Variants in SLC38A10 observed in about 807,000 individuals in gnomAD.
SLC38A10 encodes the protein solute carrier family 38 member 10, also known as Sodium-coupled neutral amino acid transporter 10.
A neutral mutation model predicts 81.0 loss-of-function variants in SLC38A10; 53 were observed. The observed-to-expected ratio is 0.65, with a 90% CI of 0.53 to 0.82. SLC38A10 has a LOEUF of 0.82. Ranked by LOEUF, SLC38A10 falls within the 40% of genes least tolerant of loss-of-function variation. SLC38A10 has a pLI of 0.00. For synonymous variants in SLC38A10, 665 were observed against 655.3 expected (o/e 1.01, Z -0.23); for missense variants, 1,471 against 1,545.0 (o/e 0.95, Z 0.80).
At chr17:81,285,614 G>C (rs569348502) in intron 2 of SLC38A10, 1 of 152,050 alleles carries the variant, frequency 6.6e-6, no homozygotes, top group Non-Finnish European at 1.5e-5. Context: ...CCCAGGCCCC[G>C]AGCGGTCATC....
At position 81,253,098 on chromosome 17, in the gene SLC38A10, C is replaced by G. The variant is rs1033634456; in HGVS notation, c.1431G>C (p.Glu477Asp). Reference protein sequence around the residue: ...GREDGKEAPEEAQLDRPGQGI... With the variant: ...GREDGKEAPEDAQLDRPGQGI... ...CTTGCCCAGGGCGATCGAGCTGTGC[C>G]TCCTCCGGTGCCTCCTTGCCATCTT... Residue 477 changes from glutamate (E) to aspartate (D), a missense_variant, in exon 12 of 16, where the codon GAG (glutamate) becomes GAC (aspartate). This residue lies in a region of SLC38A10 where 720 missense variants were observed against 827.7 expected (regional missense o/e 0.87). Coordinates refer to ENST00000374759, the MANE Select transcript of SLC38A10 (RefSeq NM_001037984.3). This position sits in a 1 kb window ranked among gnomAD's most constrained non-coding sequence, Gnocchi z 4.1. 15 of 1,613,678 alleles carry G rather than the reference C, an allele frequency of 9.3e-6. No individual in the cohort carries two copies. The East Asian group carries it at 3.1e-4, about 34-fold the overall frequency.
At chr17:81,261,099 C>T (rs1174616145) in intron 10 of SLC38A10, among the ~76,000 whole-genome samples, 10 of 152,238 alleles carry the variant, frequency 6.6e-5, no homozygotes, top group African/African-American at 1.9e-4. Context: ...CACTCTTTGC[C>T]GAAGGCTCTC....
In SLC38A10 at chr17:81,289,195, C is replaced by T. The variant is rs1387695916; in HGVS notation, c.217+496G>A. 6.6e-6 allele frequency among the ~76,000 whole-genome samples: 1 copy of T among 152,016 alleles called. No individual in the cohort carries two copies. Among genetic ancestry groups the T allele is most frequent in the Non-Finnish European group, 1.5e-5 (1 of 68,004 alleles). On this transcript the variant is annotated intron_variant, in intron 2 of 15. Coordinates refer to ENST00000374759, the MANE Select transcript of SLC38A10 (RefSeq NM_001037984.3). This position sits in a 1 kb window ranked among gnomAD's most constrained non-coding sequence, Gnocchi z 5.9. The stretch of plus-strand genomic sequence containing the variant: ...AGCTAGGATTACAGATGCCTGCCAC[C>T]ATGTCTGGCTAATTTTTTGTATTTC...
chr17:81,252,408 G>A lies in SLC38A10; in HGVS notation c.1732C>T (p.Gln578Ter), dbSNP rs140875348. 1.5e-4 allele frequency: 247 copies of A among 1,613,044 alleles called. No homozygotes were observed. Among genetic ancestry groups the A allele is most frequent in the Non-Finnish European group, 2.0e-4 (238 of 1,180,028 alleles). Residue 578 changes from glutamine to a stop codon, truncating the protein, a stop_gained, in exon 13 of 16, where the codon CAG becomes TAG. Coordinates refer to ENST00000374759, the MANE Select transcript of SLC38A10 (RefSeq NM_001037984.3). LOFTEE classifies it high-confidence loss of function. The stretch of plus-strand genomic sequence containing the variant: ...TGACCATCTGCTTCTGGAACTTTCT[G>A]GGGATCTTCAGGAAGATCACCCGCC... ...EEAGDLPEDPQKVPEADGQPA... is the reference protein window; with the variant it reads ...EEAGDLPEDP
chr17:81,281,890 C>G lies in SLC38A10; in HGVS notation c.501+299G>C, dbSNP rs1375517308. 6.6e-6 allele frequency among the ~76,000 whole-genome samples: 1 copy of G among 152,200 alleles called. No individual in the cohort carries two copies. Among genetic ancestry groups the G allele is most frequent in the Non-Finnish European group, 1.5e-5 (1 of 68,030 alleles). On this transcript the variant is annotated intron_variant, in intron 5 of 15. Coordinates refer to ENST00000374759, the MANE Select transcript of SLC38A10 (RefSeq NM_001037984.3). This position sits in a 1 kb window ranked among gnomAD's most constrained non-coding sequence, Gnocchi z 5.3. ...GACATCTTTGCATAAAGCAAGTGGACTTGGAGTTTCCTTCACCTTGCCTGG... is the reference window on the plus strand; with the variant it reads ...GACATCTTTGCATAAAGCAAGTGGAGTTGGAGTTTCCTTCACCTTGCCTGG...
At position 81,270,633 on chromosome 17, in the gene SLC38A10, C is replaced by G. The variant is rs891732891; in HGVS notation, c.1131+285G>C. On this transcript the variant is annotated intron_variant, in intron 10 of 15. Coordinates refer to ENST00000374759, the MANE Select transcript of SLC38A10 (RefSeq NM_001037984.3). This position sits in a 1 kb window ranked among gnomAD's most constrained non-coding sequence, Gnocchi z 4.0. Reference sequence around the variant, plus strand: ...AGCAGGTCCATGGGCAATCAGGCATCGCAGAAACACCATGGGGAAAGCGCT... The same window carrying G: ...AGCAGGTCCATGGGCAATCAGGCATGGCAGAAACACCATGGGGAAAGCGCT... 9.2e-5 allele frequency among the ~76,000 whole-genome samples: 14 copies of G among 152,102 alleles called. No homozygotes were observed. The highest frequency in any genetic ancestry group is 3.1e-4 in the African/African-American group (13 of 41,398).
Position 81,283,574 on chromosome 17 carries a change from CT to C in SLC38A10, c.264-73del. 1 of 1,144,206 alleles carries C rather than the reference CT, an allele frequency of 8.7e-7. No homozygotes were observed. The highest frequency in any genetic ancestry group is 1.3e-6 in the Non-Finnish European group (1 of 775,782). 70.9% of individuals were successfully genotyped at this position (1,144,206 alleles called of 1,614,324 possible). A position where few individuals can be genotyped will look rare whatever the true frequency, so the allele number is the denominator to read the frequency against. On this transcript the variant is annotated intron_variant, in intron 3 of 15. Transcript: ENST00000374759. The surrounding 1 kb of genome is among the most constrained non-coding windows in gnomAD (Gnocchi z 4.7). ...CACACACCTGGGCTGCCGCCAGGGACTACCCCAAGGCTGGGCTGAATGACAG... is the reference window on the plus strand; with the variant it reads ...CACACACCTGGGCTGCCGCCAGGGACACCCCAAGGCTGGGCTGAATGACAG...
intron 10 of SLC38A10, among the ~76,000 whole-genome samples, chr17:81,262,021 C>T (rs1243164050): frequency 1.4e-4 from 21 of 152,190 alleles, no homozygotes; most frequent in Admixed American, 1.3e-3. Context: ...GGGAAGAGTC[C>T]CAGGGCAGTG....
chr17:81,252,785 G>C (rs2062932224), intron 12 of SLC38A10, 102 bp from the exon 13 acceptor site: 7 of 1,475,914 alleles, frequency 4.7e-6, no homozygotes, highest in Non-Finnish European at 6.3e-6. Flanking sequence ...TCCCAACAGT[G>C]TGACACAGGC....
chr17:81,246,898 ATCC>A lies in SLC38A10; in HGVS notation c.2226_2228del (p.Glu742del). 6.3e-7 allele frequency: 1 copy of A among 1,598,760 alleles called. No individual in the cohort carries two copies. Among genetic ancestry groups the A allele is most frequent in the African/African-American group, 1.3e-5 (1 of 74,846 alleles). ...AGCCCGGCCTACCCTGCCTGGGTTTATCCTCCTCGTCCTCCTGCCTCTGCTGGT... is the reference window on the plus strand; with the variant it reads ...AGCCCGGCCTACCCTGCCTGGGTTTATCCTCGTCCTCCTGCCTCTGCTGGT... On this transcript the variant is annotated inframe_deletion, in exon 15 of 16. Transcript: ENST00000374759.
Position 81,274,293 on chromosome 17 carries a change from G to A in SLC38A10, c.913-1666C>T, listed in dbSNP as rs544532645. On this transcript the variant is annotated intron_variant, in intron 8 of 15. Coordinates refer to ENST00000374759, the MANE Select transcript of SLC38A10 (RefSeq NM_001037984.3). ...GTCTTTGGTGCTTGGCCTCTGCTGC[G>A]AAGCCAGAGGCACGTGGCTGGTGGA... Among the ~76,000 whole-genome samples the A allele has an allele frequency of 6.6e-5, 10 of 152,346 alleles. No homozygotes were observed. The South Asian group carries it at 1.7e-3, about 25-fold the overall frequency.
At position 81,281,982 on chromosome 17, in the gene SLC38A10, A is replaced by G. The variant is rs1598402701; in HGVS notation, c.501+207T>C. On this transcript the variant is annotated intron_variant, in intron 5 of 15. Coordinates refer to ENST00000374759, the MANE Select transcript of SLC38A10 (RefSeq NM_001037984.3). The surrounding 1 kb of genome is among the most constrained non-coding windows in gnomAD (Gnocchi z 5.3). ...CCAGCCTCTCCTGCCAGCCAACCGCACCTGGGTCCAGCCAGCCCCGTCTGC... is the reference window on the plus strand; with the variant it reads ...CCAGCCTCTCCTGCCAGCCAACCGCGCCTGGGTCCAGCCAGCCCCGTCTGC... 6.6e-6 allele frequency among the ~76,000 whole-genome samples: 1 copy of G among 151,954 alleles called. No individual in the cohort carries two copies. The highest frequency in any genetic ancestry group is 2.4e-5 in the African/African-American group (1 of 41,356).
chr17:81,284,175 C>T (rs1419944148), intron 3 of SLC38A10, among the ~76,000 whole-genome samples: 3 of 151,806 alleles, frequency 2.0e-5, no homozygotes, highest in Non-Finnish European at 4.4e-5. Flanking sequence ...CTGGCCAACA[C>T]GGCAAAACCC....
intron 10 of SLC38A10, among the ~76,000 whole-genome samples, chr17:81,268,077 G>C (rs1476664808): frequency 6.6e-6 from 1 of 151,724 alleles, no homozygotes; most frequent in African/African-American, 2.4e-5. Flanking sequence ...GCTATGCAGA[G>C]AGGAGCCAGC....
rs1342406382 is a variant in SLC38A10, at chr17:81,276,037, C to T, written c.844G>A (p.Ala282Thr). The change falls in exon 8 of 16, where the codon GCT (alanine) becomes ACT (threonine). Residue 282 changes from alanine to threonine, a missense_variant. Around this residue, in one of 2 missense-constraint regions of SLC38A10, gnomAD observed 720 missense variants for 827.7 expected, o/e 0.87. Coordinates refer to ENST00000374759, the MANE Select transcript of SLC38A10 (RefSeq NM_001037984.3). This position sits in a 1 kb window ranked among gnomAD's most constrained non-coding sequence, Gnocchi z 4.7. ...AGGATCATCATGGGGAAGCCCACAG[C>T]CACTGACATCATGAAGCCCACACGG... ...MLRVGFMMSV[A>T]VGFPMMILPC... 1 of 1,613,984 alleles carries T rather than the reference C, an allele frequency of 6.2e-7. No individual in the cohort carries two copies. Among genetic ancestry groups the T allele is most frequent in the African/African-American group, 1.3e-5 (1 of 75,064 alleles).
rs777418061 is a variant in SLC38A10, at chr17:81,270,078, A to C, written c.1131+840T>G. On this transcript the variant is annotated intron_variant, in intron 10 of 15. Coordinates refer to ENST00000374759, the MANE Select transcript of SLC38A10 (RefSeq NM_001037984.3). The surrounding 1 kb of genome is among the most constrained non-coding windows in gnomAD (Gnocchi z 4.0). ...GAAAAAGAAACGCAAGTGGCTTCTA[A>C]ACCCATGAAAAGACACTCAAGTTCC... 4.6e-5 allele frequency among the ~76,000 whole-genome samples: 7 copies of C among 152,232 alleles called. No homozygotes were observed. The highest frequency in any genetic ancestry group is 8.8e-5 in the Non-Finnish European group (6 of 68,036).
intron 2 of SLC38A10, 189 bp from the exon 3 acceptor site, chr17:81,285,084 C>A (rs947378955): frequency 1.7e-5 from 8 of 471,956 alleles, no homozygotes; most frequent in Non-Finnish European, 3.1e-5. Flanking sequence ...AATGAAACTA[C>A]AAGAAACAAA....
rs1484606110 is a variant in SLC38A10 at position 81,275,981 on chromosome 17, C to T, written c.900G>A (p.Leu300=). 1.2e-5 allele frequency: 19 copies of T among 1,613,370 alleles called. No individual in the cohort carries two copies. The highest frequency in any genetic ancestry group is 1.6e-5 in the Non-Finnish European group (19 of 1,179,900). ...CCGAGGGTCTTACCTGCTGCTCACACAGCAGCGTGCTCAGGGCCTGCCTGC... is the reference window on the plus strand; with the variant it reads ...CCGAGGGTCTTACCTGCTGCTCACATAGCAGCGTGCTCAGGGCCTGCCTGC... The part of the protein sequence containing the change: ...LPCRQALSTL[L]CEQQQKDGTF... Residue 300 remains leucine, a synonymous_variant, in exon 8 of 16, where the codon CTG becomes CTA. Coordinates refer to ENST00000374759, the MANE Select transcript of SLC38A10 (RefSeq NM_001037984.3).
Position 81,252,679 on chromosome 17 carries a change from A to T in SLC38A10, c.1461T>A (p.Ile487=). The T allele has an allele frequency of 6.3e-7, 1 of 1,599,868 alleles. No homozygotes were observed. ...EAQLDRPGQG[I]AVPVGEAHRH... Reference sequence around the variant, plus strand: ...GGTGGGCCTCGCCCACAGGCACAGCAATCCCTGCAAGGGCACGGGGGACAG... The same window carrying T: ...GGTGGGCCTCGCCCACAGGCACAGCTATCCCTGCAAGGGCACGGGGGACAG... Residue 487 remains isoleucine, a synonymous_variant, in exon 13 of 16, where the codon ATT becomes ATA. Coordinates refer to ENST00000374759, the MANE Select transcript of SLC38A10 (RefSeq NM_001037984.3).
Sources: gnomAD v4.1 joint callset for allele counts (sites outside exome capture counted in the v4.1 genomes callset) on GRCh38, gnomAD v4.1.1 for gene constraint, gnomAD v4.1.1 regional missense constraint, Gnocchi (gnomAD v3.1) non-coding constraint, MANE v1.5 for transcripts, NCBI Gene and HGNC (gene_info 2026-07-23, HGNC 2026-07-21) for gene names.